The following AGBL4 variants were observed in gnomAD, a reference collection of about 807,000 sequenced individuals.
AGBL4 encodes AGBL carboxypeptidase 4, also known as cytosolic carboxypeptidase 6.
AGBL4 carries 58 observed loss-of-function variants against 66.4 expected under a neutral mutation model. That is an observed-to-expected ratio of 0.87 (90% CI 0.71 to 1.09). The LOEUF (loss-of-function observed/expected upper bound fraction) is 1.09. AGBL4 is among the 50% of genes least tolerant of loss of function. The pLI is 0.00. For synonymous variants in AGBL4, 234 were observed against 222.9 expected, an observed-to-expected ratio of 1.05 and a Z score of -0.44; for missense variants, 579 against 631.0, an observed-to-expected ratio of 0.92 and a Z score of 0.88.
intron 4 of AGBL4, among the ~76,000 whole-genome samples, chr1:49,160,529 A>G (rs1420651426): frequency 6.6e-6 from 1 of 152,142 alleles, no homozygotes; most frequent in Non-Finnish European, 1.5e-5. Flanking sequence ...CATGGGGGTC[A>G]GGGACCCACT....
At chr1:49,947,887 T>C (rs1255180137) in intron 1 of AGBL4, among the ~76,000 whole-genome samples, 1 of 139,022 alleles carries the variant, frequency 7.2e-6, no homozygotes, top group African/African-American at 2.8e-5. Context: ...GCAGCTCTTC[T>C]ATGCACCAAC....
chr1:49,149,972 C>T (rs1646295611), intron 4 of AGBL4, among the ~76,000 whole-genome samples: 1 of 152,202 alleles, frequency 6.6e-6, no homozygotes, highest in African/African-American at 2.4e-5. Flanking sequence ...AGTATCTTCT[C>T]TACACATTAT....
Position 49,174,074 on chromosome 1 carries a change from T to C in AGBL4, c.377+71696A>G, listed in dbSNP as rs191490113. ...AGAAACAGTGAAAGGAAAAGAGAGA[T>C]AGAAAATAGTATATTCTTTCAAAAA... On this transcript the variant is annotated intron_variant, in intron 4 of 13. Transcript: ENST00000371839. Among the ~76,000 whole-genome samples the C allele has an allele frequency of 4.3e-4, 66 of 152,010 alleles. No individual in the cohort carries two copies. In the East Asian group the frequency reaches 0.012, roughly 27 times the overall value.
At chr1:49,053,138 G>A (rs750557800) in intron 4 of AGBL4, among the ~76,000 whole-genome samples, 1 of 152,062 alleles carries the variant, frequency 6.6e-6, no homozygotes, top group Non-Finnish European at 1.5e-5. Flanking sequence ...TTCTTGGTTG[G>A]GAACAATGAA....
chr1:49,106,485 C>G (rs1033494264), intron 4 of AGBL4, among the ~76,000 whole-genome samples: 17 of 152,148 alleles, frequency 1.1e-4, no homozygotes, highest in African/African-American at 4.1e-4. Flanking sequence ...CCCAGTGATT[C>G]TGCATTCCTT....
chr1:49,300,476 C>T (rs1169510852), intron 3 of AGBL4, among the ~76,000 whole-genome samples: 5 of 152,102 alleles, frequency 3.3e-5, no homozygotes, highest in African/African-American at 1.2e-4. Context: ...TTTTAAAAAT[C>T]CAATTTAGTA....
At chr1:48,691,338 T>C (rs1442454061) in intron 6 of AGBL4, among the ~76,000 whole-genome samples, 2 of 151,974 alleles carry the variant, frequency 1.3e-5, no homozygotes, top group Non-Finnish European at 2.9e-5. Flanking sequence ...ATACAGCACA[T>C]CTCAATTGGA....
intron 5 of AGBL4, among the ~76,000 whole-genome samples, chr1:49,024,845 G>A (rs1295768041): frequency 1.3e-5 from 2 of 152,080 alleles, no homozygotes; most frequent in East Asian, 3.9e-4. Context: ...AAACCCTTAA[G>A]CTAAGTCACA....
At chr1:48,961,625 C>T (rs1053280725) in intron 5 of AGBL4, among the ~76,000 whole-genome samples, 4 of 152,152 alleles carry the variant, frequency 2.6e-5, no homozygotes, top group Admixed American at 2.6e-4. Context: ...ATCCTGGCAT[C>T]ACTGTGCAGT....
intron 2 of AGBL4, among the ~76,000 whole-genome samples, chr1:49,697,948 G>A (rs966399025): frequency 1.3e-5 from 2 of 152,076 alleles, no homozygotes; most frequent in African/African-American, 2.4e-5. Flanking sequence ...GTACAGTAAG[G>A]TTTTAAACAA....
chr1:48,707,905 A>T (rs1294236978), intron 6 of AGBL4, among the ~76,000 whole-genome samples: 2 of 152,060 alleles, frequency 1.3e-5, no homozygotes, highest in African/African-American at 2.4e-5. Context: ...TTACTTTGTG[A>T]CTCTGAGAGT....
At chr1:49,965,567 G>A (rs1371863892) in intron 1 of AGBL4, among the ~76,000 whole-genome samples, 5 of 152,154 alleles carry the variant, frequency 3.3e-5, no homozygotes, top group Non-Finnish European at 5.9e-5. Flanking sequence ...AATAGAGACA[G>A]TGAGTTTCAC....
intron 1 of AGBL4, among the ~76,000 whole-genome samples, chr1:49,911,000 C>T (rs1324318610): frequency 1.3e-5 from 2 of 152,080 alleles, no homozygotes; most frequent in East Asian, 3.9e-4. Flanking sequence ...GAAAACCAAC[C>T]TTTTGAATGT....
At chr1:48,801,957 T>C (rs1192943327) in intron 6 of AGBL4, among the ~76,000 whole-genome samples, 1 of 152,048 alleles carries the variant, frequency 6.6e-6, no homozygotes, top group Non-Finnish European at 1.5e-5. Flanking sequence ...AGACATCCCT[T>C]GGTCTCCAGC....
chr1:49,212,742 G>A (rs987161320), intron 4 of AGBL4, among the ~76,000 whole-genome samples: 10 of 152,070 alleles, frequency 6.6e-5, no homozygotes, highest in African/African-American at 2.2e-4. Flanking sequence ...TAACAATTAA[G>A]TTATTTAATT....
chr1:49,513,990 G>T (rs1159767107), intron 3 of AGBL4, among the ~76,000 whole-genome samples: 5 of 151,938 alleles, frequency 3.3e-5, no homozygotes. Context: ...AATTGCGAAT[G>T]GGAGTTCACT....
intron 6 of AGBL4, among the ~76,000 whole-genome samples, chr1:48,698,789 C>T (rs977274890): frequency 3.3e-5 from 5 of 152,150 alleles, no homozygotes; most frequent in South Asian, 2.1e-4. Context: ...AACACCCTGG[C>T]GAGGTAATGC....
At chr1:49,288,898 C>T (rs1003478189) in intron 3 of AGBL4, among the ~76,000 whole-genome samples, 31 of 152,152 alleles carry the variant, frequency 2.0e-4, no homozygotes, top group African/African-American at 7.0e-4. Flanking sequence ...ATTAAATCCT[C>T]TCTAGAGGAA....
chr1:49,430,152 C>T (rs1272157929), intron 3 of AGBL4, among the ~76,000 whole-genome samples: 3 of 152,060 alleles, frequency 2.0e-5, no homozygotes, highest in Non-Finnish European at 4.4e-5. Context: ...CATGCCCGGC[C>T]ACATATACCA....
Sources: allele counts gnomAD v4.1 joint callset (sites outside exome capture counted in the v4.1 genomes callset), GRCh38; gene constraint gnomAD v4.1.1; transcripts MANE v1.5; gene names NCBI Gene and HGNC (gene_info 2026-07-23, HGNC 2026-07-21).